The following SNTB1 variants were observed in gnomAD, a reference collection of about 807,000 sequenced individuals.
SNTB1 encodes beta-1-syntrophin.
Under a neutral mutation model 48.9 loss-of-function variants are expected in SNTB1, and 36 were observed. The observed-to-expected ratio is 0.74, with a 90% confidence interval of 0.56 to 0.97. The LOEUF is 0.97. Among genes scored for constraint, SNTB1 ranks in the 50% least tolerant of loss-of-function variants. The pLI is 0.00. For missense variants in SNTB1, 786 were observed against 703.4 expected, an observed-to-expected ratio of 1.12 and a Z score of -1.33; for synonymous variants, 299 against 294.6, an observed-to-expected ratio of 1.01 and a Z score of -0.15.
intron 3 of SNTB1, among the ~76,000 whole-genome samples, chr8:120,592,337 A>G (rs767136215): frequency 2.0e-5 from 3 of 151,914 alleles, no homozygotes; most frequent in Non-Finnish European, 4.4e-5. Context: ...GTGCCACCAC[A>G]CCAGGATAAT....
At chr8:120,596,048 C>T (rs763374067) in intron 3 of SNTB1, among the ~76,000 whole-genome samples, 7 of 152,258 alleles carry the variant, frequency 4.6e-5, no homozygotes, top group East Asian at 1.9e-4. Context: ...CAATGACATA[C>T]GTTCAATGCC....
intron 2 of SNTB1, among the ~76,000 whole-genome samples, chr8:120,686,660 A>G (rs558264936): frequency 6.6e-6 from 1 of 152,284 alleles, no homozygotes; most frequent in South Asian, 2.1e-4. Flanking sequence ...AGATTGGATA[A>G]TTTACTTAAA....
At chr8:120,567,521 A>G (rs1815773618) in intron 4 of SNTB1, among the ~76,000 whole-genome samples, 1 of 151,664 alleles carries the variant, frequency 6.6e-6, no homozygotes, top group African/African-American at 2.4e-5. Context: ...CCTGGGATCA[A>G]GCAATTCTCC....
chr8:120,678,968 C>G (rs1363316409), intron 2 of SNTB1, among the ~76,000 whole-genome samples: 1 of 152,202 alleles, frequency 6.6e-6, no homozygotes, highest in Non-Finnish European at 1.5e-5. Context: ...TGACCTACCT[C>G]CAACCCCAGC....
At chr8:120,567,479 G>T (rs1352593433) in intron 4 of SNTB1, among the ~76,000 whole-genome samples, 5 of 149,436 alleles carry the variant, frequency 3.3e-5, no homozygotes, top group Non-Finnish European at 5.9e-5. Context: ...GGAGTACAGT[G>T]GTGCCATCAT....
chr8:120,691,930 C>T (rs1388977859), intron 2 of SNTB1, among the ~76,000 whole-genome samples: 1 of 151,946 alleles, frequency 6.6e-6, no homozygotes, highest in East Asian at 1.9e-4. Context: ...GGGTAAAAGC[C>T]CAGGGAAAAG....
chr8:120,680,239 A>G (rs894496323), intron 2 of SNTB1, among the ~76,000 whole-genome samples: 2 of 152,202 alleles, frequency 1.3e-5, no homozygotes, highest in African/African-American at 4.8e-5. Flanking sequence ...TTGCTTAATT[A>G]CCAACTTACT....
chr8:120,691,381 T>G (rs1818125126), intron 2 of SNTB1, among the ~76,000 whole-genome samples: 1 of 152,260 alleles, frequency 6.6e-6, no homozygotes, highest in Admixed American at 6.5e-5. Context: ...AGCTATATAA[T>G]GTTGAGAACT....
chr8:120,541,901 A>G lies in SNTB1; in HGVS notation c.1433T>C (p.Ile478Thr), dbSNP rs778609574. 1.2e-6 allele frequency: 2 copies of G among 1,613,972 alleles called. No homozygotes were observed. The highest frequency in any genetic ancestry group is 1.1e-5 in the South Asian group (1 of 91,076). Residue 478 changes from isoleucine (I) to threonine (T), a missense_variant, in exon 6 of 7, where the codon ATC becomes ACC. By Grantham distance (89) the Ile-to-Thr change is moderately conservative. Transcript: ENST00000517992. The stretch of plus-strand genomic sequence containing the variant: ...GAGCTTTTCATAAGGAGACTGTATG[A>G]TGGTCTTGGGAAAGGCACCCTCCTG... ...EPQEGAFPKT[I>T]IQSPYEKLKM...
chr8:120,752,581 T>A (rs148402851), intron 1 of SNTB1, among the ~76,000 whole-genome samples: 1 of 152,128 alleles, frequency 6.6e-6, no homozygotes, highest in Non-Finnish European at 1.5e-5. Context: ...AAAACTGTGA[T>A]ACAATGTTAT....
chr8:120,675,527 G>C (rs1370437032), intron 2 of SNTB1, among the ~76,000 whole-genome samples: 1 of 152,190 alleles, frequency 6.6e-6, no homozygotes, highest in Non-Finnish European at 1.5e-5. Flanking sequence ...AGGCTAAAGG[G>C]AAGCTCTGTC....
intron 1 of SNTB1, among the ~76,000 whole-genome samples, chr8:120,783,507 T>C (rs1431457339): frequency 6.6e-6 from 1 of 152,148 alleles, no homozygotes; most frequent in African/African-American, 2.4e-5. Flanking sequence ...TAATATGAAA[T>C]GTTTTCTTAT....
chr8:120,788,584 A>G (rs6988083), intron 1 of SNTB1, among the ~76,000 whole-genome samples: 17,162 of 152,054 alleles, frequency 0.11, 1,369 homozygotes, highest in African/African-American at 0.22. Flanking sequence ...AGCAGTAGTA[A>G]CAATTCTTAT....
chr8:120,601,036 C>T (rs1816413657), intron 3 of SNTB1, among the ~76,000 whole-genome samples: 1 of 152,132 alleles, frequency 6.6e-6, no homozygotes, highest in Non-Finnish European at 1.5e-5. Context: ...GAGCTTGGTG[C>T]CCAGCAGACC....
chr8:120,630,119 G>C (rs1035974928), intron 3 of SNTB1, among the ~76,000 whole-genome samples: 1 of 152,174 alleles, frequency 6.6e-6, no homozygotes, highest in East Asian at 1.9e-4. Flanking sequence ...TGCATGTGTT[G>C]GCCAGCCTCC....
chr8:120,750,275 G>C (rs1333630478), intron 1 of SNTB1, among the ~76,000 whole-genome samples: 1 of 151,912 alleles, frequency 6.6e-6, no homozygotes, highest in African/African-American at 2.4e-5. Flanking sequence ...GATAGCAAAA[G>C]CTCAACAAGT....
chr8:120,613,725 G>A (rs1038152486), intron 3 of SNTB1, among the ~76,000 whole-genome samples: 2 of 152,160 alleles, frequency 1.3e-5, no homozygotes, highest in Non-Finnish European at 2.9e-5. Flanking sequence ...CATGTATCCG[G>A]TAGTGGTTAT....
intron 3 of SNTB1, among the ~76,000 whole-genome samples, chr8:120,617,627 G>A (rs1178967542): frequency 6.6e-6 from 1 of 152,188 alleles, no homozygotes. Flanking sequence ...ACGGTATTGG[G>A]CTTCCTCGTG....
At chr8:120,809,618 A>C (rs114639087) in intron 1 of SNTB1, among the ~76,000 whole-genome samples, 3,276 of 151,574 alleles carry the variant, frequency 0.022, 113 homozygotes, top group African/African-American at 0.072. Context: ...CCCCACCCCA[A>C]CCCCTCCTCC....
Sources: allele counts gnomAD v4.1 joint callset (sites outside exome capture counted in the v4.1 genomes callset), GRCh38; gene constraint gnomAD v4.1.1; transcripts MANE v1.5; gene names NCBI Gene and HGNC (gene_info 2026-07-23, HGNC 2026-07-21).